CENPU: variants seen among roughly 807,000 people sequenced by gnomAD.
CENPU encodes KSHV latent nuclear antigen interacting protein 1.
CENPU carries 46 observed loss-of-function variants against 56.7 expected under a neutral mutation model. That is an observed-to-expected ratio of 0.81 (90% CI 0.64 to 1.04). The LOEUF (loss-of-function observed/expected upper bound fraction) is 1.04. Among genes scored for constraint, CENPU ranks in the 50% least tolerant of loss-of-function variants. The pLI, the probability that CENPU is intolerant of heterozygous loss-of-function variation, is 0.00. For synonymous variants in CENPU, 166 were observed against 163.0 expected (o/e 1.02, Z -0.14); for missense variants, 510 against 490.1 (o/e 1.04, Z -0.38).
At chr4:184,700,930 C>T in intron 10 of CENPU, 49 bp from the exon 11 acceptor site, 5 of 1,446,990 alleles carry the variant, frequency 3.5e-6, no homozygotes, top group Non-Finnish European at 4.9e-6. Context: ...ACTGTTTGAG[C>T]ACTGCCACAT....
At position 184,697,725 on chromosome 4, in the gene CENPU, T is replaced by C. The variant is rs759760793; in HGVS notation, c.1065A>G (p.Ala355=). ...KERKSSLRNA[A]YFLSNLKQLY... is the part of the protein sequence containing the mutation. Reference sequence around the variant, plus strand: ...GCTGTTTTAAATTAGATAAGAAATATGCTGCATTCCTAAGGGAAGACTTTC... The same window carrying C: ...GCTGTTTTAAATTAGATAAGAAATACGCTGCATTCCTAAGGGAAGACTTTC... Residue 355 remains alanine, a synonymous_variant, in exon 12 of 13, where the codon GCA becomes GCG. Coordinates refer to ENST00000281453, the MANE Select transcript of CENPU (RefSeq NM_024629.4). 13 of 1,612,226 alleles carry C rather than the reference T, an allele frequency of 8.1e-6. No individual in the cohort carries two copies. Among genetic ancestry groups the C allele is most frequent in the Admixed American group, 3.3e-5 (2 of 59,846 alleles).
intron 7 of CENPU, 58 bp downstream of exon 7, chr4:184,712,886 C>A (rs1760970491): frequency 4.3e-6 from 5 of 1,171,430 alleles, no homozygotes; most frequent in South Asian, 1.4e-5. Context: ...AGAATAGGGT[C>A]TTATTTCTCT....
At chr4:184,731,035 A>G in intron 1 of CENPU, 67 bp from the exon 2 acceptor site, 1 of 1,168,880 alleles carries the variant, frequency 8.6e-7, no homozygotes, top group Non-Finnish European at 1.2e-6. Flanking sequence ...CACCATAGTT[A>G]TGACCCTTTC....
At chr4:184,730,653 G>C (rs1761608085) in intron 2 of CENPU, among the ~76,000 whole-genome samples, 1 of 151,814 alleles carries the variant, frequency 6.6e-6, no homozygotes, top group Non-Finnish European at 1.5e-5. Flanking sequence ...AGTGAAAAAA[G>C]CTTACAGCAC....
At chr4:184,704,153 C>A (rs1733802302) in intron 8 of CENPU, among the ~76,000 whole-genome samples, 1 of 151,912 alleles carries the variant, frequency 6.6e-6, no homozygotes, top group South Asian at 2.1e-4. Context: ...GATCATGGCT[C>A]ACTGCAGCCT....
chr4:184,718,893 T>G (rs1761183302), intron 4 of CENPU, among the ~76,000 whole-genome samples: 1 of 152,042 alleles, frequency 6.6e-6, no homozygotes, highest in Non-Finnish European at 1.5e-5. Context: ...TGTGGGCATT[T>G]AGAGAAATAC....
chr4:184,716,720 G>A (rs750008337), intron 5 of CENPU, 87 bp from the exon 6 acceptor site: 6 of 1,019,114 alleles, frequency 5.9e-6, no homozygotes, highest in Non-Finnish European at 8.7e-6. Flanking sequence ...CATATATATA[G>A]TCCACATTTC....
intron 3 of CENPU, among the ~76,000 whole-genome samples, chr4:184,725,996 G>T (rs1191358349): frequency 6.6e-6 from 1 of 152,142 alleles, no homozygotes; most frequent in Admixed American, 6.5e-5. Flanking sequence ...CTGTAAGGGG[G>T]CCTGGTAAGA....
In CENPU at chr4:184,710,178, T is replaced by C. The variant is rs1335107172; in HGVS notation, c.691A>G (p.Thr231Ala). 6.3e-7 allele frequency: 1 copy of C among 1,589,130 alleles called. No homozygotes were observed. Among genetic ancestry groups the C allele is most frequent in the Non-Finnish European group, 8.6e-7 (1 of 1,159,808 alleles). The change falls in exon 8 of 13, where the codon ACT becomes GCT. Residue 231 changes from threonine to alanine, a missense_variant and splice_region_variant. Thr to Ala is a moderately conservative substitution (Grantham distance 58, BLOSUM62 0). Transcript: ENST00000281453. ...KSRSKAIGSD[T>A]SDIVHIWCPE... ...CACCAAATGTGCACAATGTCAGAAG[T>C]ATCTAAAATATTAAGATAAGTTAAC...
chr4:184,714,171 T>C (rs905310518), intron 6 of CENPU, among the ~76,000 whole-genome samples: 2 of 152,080 alleles, frequency 1.3e-5, no homozygotes, highest in Non-Finnish European at 2.9e-5. Context: ...CAGTGAAATA[T>C]CCTTCAAAAA....
chr4:184,724,899 G>A (rs1761402108), intron 4 of CENPU, 58 bp downstream of exon 4: 1 of 1,117,758 alleles, frequency 8.9e-7, no homozygotes, highest in Admixed American at 2.1e-5. Flanking sequence ...CTATCTTAAA[G>A]AGTTTCTCAG....
rs543735533 is a variant in CENPU at position 184,711,424 on chromosome 4, G to C, written c.689-1244C>G. On this transcript the variant is annotated intron_variant, in intron 7 of 12. Transcript: ENST00000281453. ...TACATTTATCATTTGTTTGTGGTAAGAAGACTAAAAATCCTCTTTTAGCTG... is the reference window on the plus strand; with the variant it reads ...TACATTTATCATTTGTTTGTGGTAACAAGACTAAAAATCCTCTTTTAGCTG... Among the ~76,000 whole-genome samples, 3 of 152,208 alleles carry C rather than the reference G, an allele frequency of 2.0e-5. No individual in the cohort carries two copies. In the South Asian group the frequency reaches 6.2e-4, roughly 32 times the overall value.
chr4:184,711,547 C>T (rs28454955), intron 7 of CENPU, among the ~76,000 whole-genome samples: 27,111 of 152,012 alleles, frequency 0.18, 2,726 homozygotes, highest in African/African-American at 0.26. Context: ...GACCAGCCTC[C>T]CCCTCTCCCC....
chr4:184,709,554 A>C (rs1760851748), intron 8 of CENPU, among the ~76,000 whole-genome samples: 1 of 152,202 alleles, frequency 6.6e-6, no homozygotes, highest in Admixed American at 6.5e-5. Flanking sequence ...CAGGTAAAAT[A>C]AATTTTAAGA....
chr4:184,705,834 C>G (rs1244879188), intron 8 of CENPU, among the ~76,000 whole-genome samples: 1 of 152,074 alleles, frequency 6.6e-6, no homozygotes, highest in Non-Finnish European at 1.5e-5. Context: ...TGAGGACATG[C>G]TAAGTGAAAT....
chr4:184,725,930 G>A (rs1241628126), intron 3 of CENPU, among the ~76,000 whole-genome samples: 4 of 152,178 alleles, frequency 2.6e-5, no homozygotes, highest in Non-Finnish European at 5.9e-5. Flanking sequence ...AGGACTTAAC[G>A]CAGGGGTAGA....
At chr4:184,723,841 C>CAAAA (rs11299367) in intron 4 of CENPU, among the ~76,000 whole-genome samples, 7 of 58,426 alleles carry the variant, frequency 1.2e-4, no homozygotes, top group Non-Finnish European at 2.1e-4. Context: ...GACTCCATCT[C>CAAAA]AAAAAAAAAA....
At chr4:184,731,031 A>C in intron 1 of CENPU, 63 bp from the exon 2 acceptor site, 1 of 1,195,302 alleles carries the variant, frequency 8.4e-7, no homozygotes, top group Non-Finnish European at 1.2e-6. Context: ...GAAACACCAT[A>C]GTTATGACCC....
rs746868326 is a variant in CENPU at position 184,697,852 on chromosome 4, G to A, written c.987-49C>T. 2.0e-6 allele frequency: 3 copies of A among 1,465,662 alleles called. No homozygotes were observed. In the South Asian group the frequency reaches 3.8e-5, roughly 19 times the overall value. 90.8% of individuals were successfully genotyped at this position (1,465,662 alleles called of 1,614,324 possible). Reference sequence around the variant, plus strand: ...TAATAAAATGTACCAGCCTATCGTGGTGAAACTGAGGTTGTAAGTACGCTG... The same window carrying A: ...TAATAAAATGTACCAGCCTATCGTGATGAAACTGAGGTTGTAAGTACGCTG... On this transcript the variant is annotated intron_variant, in intron 11 of 12. Transcript: ENST00000281453.
Sources: allele counts gnomAD v4.1 joint callset (sites outside exome capture counted in the v4.1 genomes callset), GRCh38; gene constraint gnomAD v4.1.1; transcripts MANE v1.5; gene names NCBI Gene and HGNC (gene_info 2026-07-23, HGNC 2026-07-21).